Variants in DENND2B observed in about 807,000 individuals in gnomAD.
The protein encoded by DENND2B is DENN domain-containing protein 2B.
Under a neutral mutation model 116.0 loss-of-function variants are expected in DENND2B, and 32 were observed. The observed-to-expected ratio is 0.28, with a 90% CI of 0.21 to 0.37. The LOEUF is 0.37. Among genes scored for constraint, DENND2B ranks in the 10% least tolerant of loss-of-function variants. DENND2B has a pLI of 1.00. For missense variants in DENND2B, 1,276 were observed against 1,477.7 expected, an observed-to-expected ratio of 0.86 and a Z score of 2.24; for synonymous variants, 588 against 583.9, an observed-to-expected ratio of 1.01 and a Z score of -0.10.
chr11:8,734,483 G>C (rs538461154), intron 2 of DENND2B, among the ~76,000 whole-genome samples: 2 of 152,152 alleles, frequency 1.3e-5, no homozygotes, highest in South Asian at 2.1e-4. Context: ...CTCTAAAATG[G>C]GTGTTGGAAG....
At chr11:8,797,468 T>TTTCTTCCCC (rs2059926935) in intron 1 of DENND2B, among the ~76,000 whole-genome samples, 1 of 130,770 alleles carries the variant, frequency 7.6e-6, no homozygotes, top group African/African-American at 3.0e-5. Context: ...CTTCTTCCCC[T>TTTCTTCCCC]TTCTTCCCCT....
intron 2 of DENND2B, among the ~76,000 whole-genome samples, chr11:8,737,007 G>A (rs1428225145): frequency 1.3e-5 from 2 of 152,258 alleles, no homozygotes; most frequent in African/African-American, 4.8e-5. Flanking sequence ...ATGATGACTC[G>A]GATCAGAAGG....
chr11:8,778,996 T>C (rs1054428343), intron 1 of DENND2B, among the ~76,000 whole-genome samples: 11 of 152,198 alleles, frequency 7.2e-5, no homozygotes, highest in Admixed American at 1.3e-4. Context: ...CCTAATAACA[T>C]TGACAGTAAT....
At chr11:8,806,348 G>A (rs1482047172) in intron 1 of DENND2B, among the ~76,000 whole-genome samples, 2 of 152,130 alleles carry the variant, frequency 1.3e-5, no homozygotes, top group Non-Finnish European at 2.9e-5. Context: ...GTGGTTTCGT[G>A]ACAAGCCTGT....
At position 8,907,115 on chromosome 11, in the gene DENND2B, G is replaced by C. The variant is rs994824870; in HGVS notation, c.-256+3706C>G. Among the ~76,000 whole-genome samples the C allele has an allele frequency of 3.3e-5, 5 of 152,100 alleles. No individual in the cohort carries two copies. In the South Asian group the frequency reaches 6.2e-4, roughly 19 times the overall value. On this transcript the variant is annotated intron_variant, in intron 1 of 22. Transcript: ENST00000534127. ...TTCACAATTAAAGACCTCTTCCAAC[G>C]CATCTCCTCCAAAACATAGAACCCT...
At chr11:8,750,753 A>C in intron 1 of DENND2B, 28 bp from the exon 2 acceptor site, 1 of 1,608,292 alleles carries the variant, frequency 6.2e-7, no homozygotes, top group Non-Finnish European at 8.5e-7. Context: ...CCGGTAAGCC[A>C]AGTTTCTATA....
chr11:8,802,255 C>T (rs931545095), intron 1 of DENND2B, among the ~76,000 whole-genome samples: 3 of 149,768 alleles, frequency 2.0e-5, no homozygotes, highest in South Asian at 2.1e-4. Context: ...GAGCCGAGAT[C>T]GTGCCACTGC....
intron 4 of DENND2B, among the ~76,000 whole-genome samples, chr11:8,721,388 G>T (rs1407244743): frequency 6.6e-6 from 1 of 152,060 alleles, no homozygotes; most frequent in Non-Finnish European, 1.5e-5. Flanking sequence ...GGAAAAACCA[G>T]TTAGGAAAGG....
chr11:8,798,776 G>C (rs928728805), intron 1 of DENND2B, among the ~76,000 whole-genome samples: 3 of 151,408 alleles, frequency 2.0e-5, no homozygotes. Context: ...AAATAAAAAG[G>C]CTTTTCTATT....
chr11:8,851,889 T>C (rs998920644), intron 3 of DENND2B, among the ~76,000 whole-genome samples: 2 of 152,190 alleles, frequency 1.3e-5, no homozygotes, highest in African/African-American at 4.8e-5. Flanking sequence ...TTTCCTATTT[T>C]CCAATTTTTC....
At chr11:8,769,685 T>C (rs1005543835) in intron 1 of DENND2B, among the ~76,000 whole-genome samples, 2 of 152,192 alleles carry the variant, frequency 1.3e-5, no homozygotes, top group African/African-American at 4.8e-5. Context: ...TTTTGCCACC[T>C]GTTGCAGTGG....
At chr11:8,770,186 GTACTT>G (rs1303482144) in intron 1 of DENND2B, among the ~76,000 whole-genome samples, 2 of 152,180 alleles carry the variant, frequency 1.3e-5, no homozygotes, top group East Asian at 3.9e-4. Flanking sequence ...CCAATGCAAA[GTACTT>G]TAGAGTACTT....
intron 1 of DENND2B, among the ~76,000 whole-genome samples, chr11:8,771,222 G>C (rs1191179631): frequency 6.6e-6 from 1 of 152,204 alleles, no homozygotes; most frequent in Non-Finnish European, 1.5e-5. Flanking sequence ...AAAGATTTCA[G>C]AGGAGGCAAA....
At chr11:8,700,517 G>A (rs575858959) in intron 14 of DENND2B, among the ~76,000 whole-genome samples, 2 of 152,110 alleles carry the variant, frequency 1.3e-5, no homozygotes, top group Non-Finnish European at 2.9e-5. Context: ...TTCATTTCTC[G>A]GTTTCCTCTC....
At chr11:8,901,210 C>CTTTCTTTTTT (rs2064163848) in intron 1 of DENND2B, among the ~76,000 whole-genome samples, 1 of 93,116 alleles carries the variant, frequency 1.1e-5, no homozygotes, top group African/African-American at 4.0e-5. Context: ...TTTTCTTTTT[C>CTTTCTTTTTT]TTTCTTTTCT....
intron 1 of DENND2B, chr11:8,808,816 G>A (rs1187901509): frequency 2.6e-5 from 4 of 152,192 alleles, no homozygotes; most frequent in African/African-American, 9.7e-5. Flanking sequence ...GCTCCTATTA[G>A]TTAAGATACT....
At chr11:8,728,394 C>A (rs965715651) in intron 3 of DENND2B, among the ~76,000 whole-genome samples, 5 of 152,192 alleles carry the variant, frequency 3.3e-5, no homozygotes, top group African/African-American at 1.2e-4. Flanking sequence ...CCTCATGGAA[C>A]ATGTTCACTG....
At chr11:8,900,877 G>A (rs1400122046) in intron 1 of DENND2B, among the ~76,000 whole-genome samples, 4 of 152,052 alleles carry the variant, frequency 2.6e-5, no homozygotes, top group Non-Finnish European at 5.9e-5. Flanking sequence ...GCTGAGGCAG[G>A]AGAATCACTT....
intron 1 of DENND2B, among the ~76,000 whole-genome samples, chr11:8,804,381 T>C (rs2060636065): frequency 6.6e-6 from 1 of 152,046 alleles, no homozygotes; most frequent in Admixed American, 6.6e-5. Context: ...GGGAGCTGTC[T>C]GTCAAGTGGC....
Sources: gnomAD v4.1 joint callset for allele counts (sites outside exome capture counted in the v4.1 genomes callset) on GRCh38, gnomAD v4.1.1 for gene constraint, MANE v1.5 for transcripts, NCBI Gene and HGNC (gene_info 2026-07-23, HGNC 2026-07-21) for gene names.